The following TNS4 variants were observed in gnomAD, a reference collection of about 807,000 sequenced individuals.
TNS4 encodes tensin-4.
Under a neutral mutation model 70.4 loss-of-function variants are expected in TNS4, and 46 were observed. The ratio of observed to expected loss-of-function variants is 0.65; its 90% confidence interval spans 0.52 to 0.84. TNS4 has a LOEUF of 0.84. Ranked by LOEUF, TNS4 falls within the 40% of genes least tolerant of loss-of-function variation. The pLI, the probability that TNS4 is intolerant of heterozygous loss-of-function variation, is 0.00. For missense variants in TNS4, 863 were observed against 907.0 expected, an observed-to-expected ratio of 0.95 and a Z score of 0.62; for synonymous variants, 390 against 366.6, an observed-to-expected ratio of 1.06 and a Z score of -0.73.
At position 40,482,202 on chromosome 17, in the gene TNS4, G is replaced by C. The variant is rs773578781; in HGVS notation, c.1599C>G (p.Ser533Arg). Residue 533 changes from serine to arginine, a missense_variant, in exon 8 of 13, where the codon AGC becomes AGG. Physicochemically the swap from Ser to Arg is moderately radical, Grantham distance 110 (BLOSUM62 -1). Transcript: ENST00000254051. Reference protein sequence around the residue: ...KGADEEPYFGSLSAFVCQHSI... With the variant: ...KGADEEPYFGRLSAFVCQHSI... ...AATGCTGGCACACGAAGGCAGAGAG[G>C]CTCCCTGAAAGGAAGCAAGCAGCCC... 2 of 1,614,094 alleles carry C rather than the reference G, an allele frequency of 1.2e-6. No individual in the cohort carries two copies. Among genetic ancestry groups the C allele is most frequent in the African/African-American group, 1.3e-5 (1 of 74,938 alleles).
At chr17:40,480,166 CCATCTTCAAGGTCTTGGTT>C (rs1383351420) in intron 9 of TNS4, among the ~76,000 whole-genome samples, 1 of 152,184 alleles carries the variant, frequency 6.6e-6, no homozygotes, top group Non-Finnish European at 1.5e-5. Flanking sequence ...CCCCACACCT[CCATCTTCAAGGTCTTGGTT>C]CATTGGCAAC....
At chr17:40,490,489 G>A (rs941809527) in intron 2 of TNS4, among the ~76,000 whole-genome samples, 3 of 152,312 alleles carry the variant, frequency 2.0e-5, no homozygotes, top group Admixed American at 2.0e-4. Flanking sequence ...TGGGGAGAAC[G>A]TGCACCCTCA....
rs757914322 is a variant in TNS4, at chr17:40,487,398, C to T, written c.926G>A (p.Ser309Asn). The change falls in exon 4 of 13, where the codon AGT becomes AAT. Residue 309 changes from serine (S) to asparagine (N), a missense_variant. Coordinates refer to ENST00000254051, the MANE Select transcript of TNS4 (RefSeq NM_032865.6). ...SHQSSSRSLE[S>N]PANSSSSLHS... ...GAGGCTGGAGGAAGAGTTGGCTGGACTTTCCAAGGATCTGGAAGATGACTG... is the reference window on the plus strand; with the variant it reads ...GAGGCTGGAGGAAGAGTTGGCTGGATTTTCCAAGGATCTGGAAGATGACTG... The T allele has an allele frequency of 2.7e-5, 43 of 1,613,870 alleles. No homozygotes were observed. The highest frequency in any genetic ancestry group is 3.5e-5 in the Non-Finnish European group (41 of 1,179,926).
intron 1 of TNS4, among the ~76,000 whole-genome samples, chr17:40,498,562 GT>G (rs536140931): frequency 7.3e-5 from 11 of 151,428 alleles, no homozygotes. Flanking sequence ...CAGTCCTCTT[GT>G]TTTTTTTTCT....
intron 2 of TNS4, 58 bp downstream of exon 2, chr17:40,495,929 C>T: frequency 6.5e-7 from 1 of 1,527,710 alleles, no homozygotes; most frequent in Non-Finnish European, 8.8e-7. Flanking sequence ...GAAAATCCTT[C>T]TTCCTCATGA....
At chr17:40,487,517 A>G in intron 3 of TNS4, 57 bp from the exon 4 acceptor site, 1 of 1,542,442 alleles carries the variant, frequency 6.5e-7, no homozygotes, top group African/African-American at 1.4e-5. Flanking sequence ...CAGGGGCTAG[A>G]GTCAGGCTCC....
chr17:40,488,916 G>T lies in TNS4; in HGVS notation c.493C>A (p.Gln165Lys). ...GTGACAGAGGGGCTGGAGCAGTGCT[G>T]GGGGCCATCGTGGCACCTTGATCTG... ...SARSRCHDGP[Q>K]HCSSPSVTPP... The change falls in exon 3 of 13, where the codon CAG (glutamine) becomes AAG (lysine). Residue 165 changes from glutamine to lysine, a missense_variant. Gln to Lys is a moderately conservative substitution (Grantham distance 53). Transcript: ENST00000254051. 1 of 1,602,818 alleles carries T rather than the reference G, an allele frequency of 6.2e-7. No homozygotes were observed. Among genetic ancestry groups the T allele is most frequent in the Non-Finnish European group, 8.5e-7 (1 of 1,176,528 alleles).
Position 40,478,618 on chromosome 17 carries a change from G to A in TNS4, c.1941C>T (p.Thr647=). The A allele has an allele frequency of 6.2e-7, 1 of 1,614,158 alleles. No individual in the cohort carries two copies. The highest frequency in any genetic ancestry group is 1.1e-5 in the South Asian group (1 of 91,084). Residue 647 remains threonine (T), a synonymous_variant, in exon 11 of 13, where the codon ACC becomes ACT. Coordinates refer to ENST00000254051, the MANE Select transcript of TNS4 (RefSeq NM_032865.6). The part of the protein sequence containing the change: ...KVFFRRHYPL[T]TLRFCGMDPE... Reference sequence around the variant, plus strand: ...GGTCCATACCACAGAAGCGGAGGGTGGTGAGTGGGTAATGGCGCCGGAAAA... The same window carrying A: ...GGTCCATACCACAGAAGCGGAGGGTAGTGAGTGGGTAATGGCGCCGGAAAA...
intron 1 of TNS4, among the ~76,000 whole-genome samples, chr17:40,498,102 C>G (rs1166910734): frequency 6.6e-6 from 1 of 152,078 alleles, no homozygotes; most frequent in Non-Finnish European, 1.5e-5. Flanking sequence ...GTCCCCAGCC[C>G]CCACCAACAC....
At chr17:40,481,304 C>T (rs1248824592) in intron 8 of TNS4, among the ~76,000 whole-genome samples, 2 of 152,298 alleles carry the variant, frequency 1.3e-5, no homozygotes, top group South Asian at 2.1e-4. Flanking sequence ...AATTACGTAA[C>T]ATCTAGAACC....
intron 9 of TNS4, among the ~76,000 whole-genome samples, chr17:40,480,297 G>A (rs2035904711): frequency 6.6e-6 from 1 of 152,138 alleles, no homozygotes; most frequent in South Asian, 2.1e-4. Context: ...TGGCCTCTGG[G>A]AGTGTGGGTC....
At chr17:40,478,538 G>A (rs1345422466) in intron 11 of TNS4, 42 bp downstream of exon 11, 2 of 1,611,152 alleles carry the variant, frequency 1.2e-6, no homozygotes, top group South Asian at 1.1e-5. Flanking sequence ...GGGCAGCGGG[G>A]CCCTGGACAG....
chr17:40,486,871 G>A (rs1010426217), intron 4 of TNS4, among the ~76,000 whole-genome samples, 165 bp downstream of exon 4: 1 of 152,152 alleles, frequency 6.6e-6, no homozygotes, highest in African/African-American at 2.4e-5. Context: ...ATTTGTTTTT[G>A]TCTCTTTCTA....
intron 6 of TNS4, 82 bp downstream of exon 6, chr17:40,484,402 C>A: frequency 6.4e-7 from 1 of 1,562,308 alleles, no homozygotes; most frequent in Non-Finnish European, 8.6e-7. Flanking sequence ...ACCCTGAAAG[C>A]TAGTGCCAGA....
intron 1 of TNS4, among the ~76,000 whole-genome samples, chr17:40,501,097 A>T (rs1337465217): frequency 6.6e-6 from 1 of 152,108 alleles, no homozygotes; most frequent in Non-Finnish European, 1.5e-5. Flanking sequence ...TCTCATCCAC[A>T]TCCTCCACCC....
At chr17:40,501,061 G>A (rs2036208820) in intron 1 of TNS4, among the ~76,000 whole-genome samples, 1 of 152,138 alleles carries the variant, frequency 6.6e-6, no homozygotes, top group African/African-American at 2.4e-5. Context: ...TGAACTCCGC[G>A]GTCTGTGATC....
In TNS4 at chr17:40,496,096, C is replaced by T; in HGVS notation, c.330G>A (p.Leu110=). The change falls in exon 2 of 13, where the codon CTG becomes CTA. Residue 110 remains leucine (L), a synonymous_variant. Transcript: ENST00000254051. ...FSLESLNQMI[L]ELDPTFQLLP... ...GCAGCTGGAAGGTGGGGTCCAGTTC[C>T]AGGATCATCTGATTGAGGCTCTCCA... 2 of 1,612,310 alleles carry T rather than the reference C, an allele frequency of 1.2e-6. No individual in the cohort carries two copies. The highest frequency in any genetic ancestry group is 8.5e-7 in the Non-Finnish European group (1 of 1,179,346).
chr17:40,477,556 G>T lies in TNS4; in HGVS notation c.*32C>A, dbSNP rs760482098. The stretch of plus-strand genomic sequence containing the variant: ...GGGGGCTCCTTAGCGAGCCCCTGGA[G>T]GTGTTGGTTAGGTGCACAGGCAGTC... On this transcript the variant is annotated 3_prime_UTR_variant, in exon 13 of 13. Coordinates refer to ENST00000254051, the MANE Select transcript of TNS4 (RefSeq NM_032865.6). 1.1e-5 allele frequency: 18 copies of T among 1,612,306 alleles called. No homozygotes were observed. In the South Asian group the frequency reaches 1.8e-4, roughly 16 times the overall value.
At position 40,476,970 on chromosome 17, in the gene TNS4, C is replaced by G. The variant is rs2035856046; in HGVS notation, c.*618G>C. 1 of 152,300 alleles carries G rather than the reference C, an allele frequency of 6.6e-6. No homozygotes were observed. Among genetic ancestry groups the G allele is most frequent in the African/African-American group, 2.4e-5 (1 of 41,466 alleles). The allele number at this position is 152,300 out of a possible 1,614,324, so 9.4% of individuals were successfully genotyped here. On this transcript the variant is annotated 3_prime_UTR_variant, in exon 13 of 13. Transcript: ENST00000254051. ...CTCTGACCATGGGGACAAGTTCCCC[C>G]TGCTGAGCTGCCCTAAATACCACAC...
Sources: allele counts gnomAD v4.1 joint callset (sites outside exome capture counted in the v4.1 genomes callset), GRCh38; gene constraint gnomAD v4.1.1; transcripts MANE v1.5; gene names NCBI Gene and HGNC (gene_info 2026-07-23, HGNC 2026-07-21).